CYBA: variants seen among roughly 807,000 people sequenced by gnomAD.
The protein encoded by CYBA is cytochrome b-245 light chain.
CYBA carries 21 observed loss-of-function variants against 20.8 expected under a neutral mutation model. The ratio of observed to expected loss-of-function variants is 1.01; its 90% CI spans 0.72 to 1.46. The LOEUF is 1.46. Among genes scored for constraint, CYBA ranks in the 40% most tolerant of loss-of-function variants. CYBA has a pLI of 0.00. For synonymous variants in CYBA, 164 were observed against 127.5 expected, an observed-to-expected ratio of 1.29 and a Z score of -1.93; for missense variants, 344 against 287.0, an observed-to-expected ratio of 1.20 and a Z score of -1.43.
chr16:88,647,548 G>T, intron 2 of CYBA: 1 of 367,328 alleles, frequency 2.7e-6, no homozygotes, highest in Non-Finnish European at 5.2e-6. Flanking sequence ...AAAAGGTCGG[G>T]GGCAGCCACT....
At chr16:88,645,046 G>A (rs1907225940) in intron 5 of CYBA, 2 of 639,334 alleles carry the variant, frequency 3.1e-6, no homozygotes, top group Non-Finnish European at 5.7e-6. Context: ...GCTGGTGGTG[G>A]GTTGTCTGCT....
intron 1 of CYBA, among the ~76,000 whole-genome samples, chr16:88,649,080 C>A (rs531452225): frequency 5.3e-5 from 8 of 151,454 alleles, no homozygotes; most frequent in Non-Finnish European, 2.9e-5. Flanking sequence ...TGGGACTATG[C>A]GCGCCTGCCA....
chr16:88,650,738 G>A (rs961924045), intron 1 of CYBA: 86 of 615,644 alleles, frequency 1.4e-4, no homozygotes, highest in Non-Finnish European at 1.1e-4. Flanking sequence ...CGCTCCGCAG[G>A]GTCTGCAAGG....
chr16:88,647,880 G>A (rs1907345885), intron 2 of CYBA, 165 bp downstream of exon 2: 3 of 688,904 alleles, frequency 4.4e-6, no homozygotes, highest in Non-Finnish European at 7.7e-6. Context: ...TCCTGGCGAG[G>A]GGCCTGGCTG....
chr16:88,645,493 G>T, intron 5 of CYBA: 2 of 690,296 alleles, frequency 2.9e-6, no homozygotes, highest in Non-Finnish European at 5.3e-6. Context: ...GACCCCCGCA[G>T]TGAGAGGTGG....
chr16:88,644,344 A>C (rs1907199212), intron 5 of CYBA, among the ~76,000 whole-genome samples: 2 of 152,220 alleles, frequency 1.3e-5, no homozygotes, highest in South Asian at 4.1e-4. Context: ...AGGGCCAGGG[A>C]AAGGTGTTTT....
intron 4 of CYBA, chr16:88,646,406 G>A: frequency 4.8e-6 from 1 of 208,918 alleles, no homozygotes; most frequent in Non-Finnish European, 9.2e-6. Context: ...CTCGGAGGAA[G>A]CAGCCACGTG....
chr16:88,651,006 T>G lies in CYBA; in HGVS notation c.8A>C (p.Gln3Pro). 2 of 1,596,882 alleles carry G rather than the reference T, an allele frequency of 1.3e-6. No individual in the cohort carries two copies. The highest frequency in any genetic ancestry group is 1.7e-6 in the Non-Finnish European group (2 of 1,173,526). Residue 3 changes from glutamine to proline, a missense_variant, in exon 1 of 6, where the codon CAG becomes CCG. By Grantham distance (76) the Gln-to-Pro change is moderately conservative (BLOSUM62 -1). Coordinates refer to ENST00000261623, the MANE Select transcript of CYBA (RefSeq NM_000101.4). ...GTTGGCCCACATGGCCCACTCGATCTGCCCCATGGCGACACGAACCCGGCT... is the reference window on the plus strand; with the variant it reads ...GTTGGCCCACATGGCCCACTCGATCGGCCCCATGGCGACACGAACCCGGCT... MGQIEWAMWANEQ... is the reference protein window; with the variant it reads MGPIEWAMWANEQ...
At chr16:88,647,048 C>T (rs1433050939) in intron 3 of CYBA, 53 bp downstream of exon 3, 1 of 1,529,110 alleles carries the variant, frequency 6.5e-7, no homozygotes, top group African/African-American at 1.4e-5. Flanking sequence ...CCCTGTGAGC[C>T]CTGCCTGGGC....
At chr16:88,649,204 T>C (rs12051202) in intron 1 of CYBA, among the ~76,000 whole-genome samples, 24,068 of 152,274 alleles carry the variant, frequency 0.16, 2,025 homozygotes, top group South Asian at 0.3. Context: ...CCCAAAGTGC[T>C]AGGATTACAG....
At position 88,647,131 on chromosome 16, in the gene CYBA, T is replaced by C. The variant is rs200016139; in HGVS notation, c.173A>G (p.Lys58Arg). Reference sequence around the variant, plus strand: ...CTCCATGGTGGAGCCCTTCTTCCTCTTCCCCCGGGGGTACTCCAGCAGGCA... The same window carrying C: ...CTCCATGGTGGAGCCCTTCTTCCTCCTCCCCCGGGGGTACTCCAGCAGGCA... Reference protein sequence around the residue: ...FVCLLEYPRGKRKKGSTMERW... With the variant: ...FVCLLEYPRGRRKKGSTMERW... Residue 58 changes from lysine (K) to arginine (R), a missense_variant, in exon 3 of 6, where the codon AAG becomes AGG. Lys to Arg is a conservative substitution (Grantham distance 26). Coordinates refer to ENST00000261623, the MANE Select transcript of CYBA (RefSeq NM_000101.4). 268 of 1,611,250 alleles carry C rather than the reference T, an allele frequency of 1.7e-4. No homozygotes were observed. The highest frequency in any genetic ancestry group is 1.9e-4 in the Non-Finnish European group (222 of 1,179,778).
Position 88,650,974 on chromosome 16 carries a change from C to T in CYBA, c.40G>A (p.Ala14Thr). 6.3e-7 allele frequency: 1 copy of T among 1,596,094 alleles called. No individual in the cohort carries two copies. Among genetic ancestry groups the T allele is most frequent in the Non-Finnish European group, 8.5e-7 (1 of 1,172,624 alleles). Residue 14 changes from alanine (A) to threonine (T), a missense_variant, in exon 1 of 6, where the codon GCG becomes ACG. Physicochemically the swap from Ala to Thr is moderately conservative, Grantham distance 58. Transcript: ENST00000261623. ...CACTCACTCAGGCCGGACGCCAGCG[C>T]CTGTTCGTTGGCCCACATGGCCCAC... is the stretch of plus-strand genomic sequence containing the variant. ...IEWAMWANEQALASGLILITG... is the reference protein window; with the variant it reads ...IEWAMWANEQTLASGLILITG...
Position 88,643,416 on chromosome 16 carries a change from C to T in CYBA, c.525G>A (p.Ala175=), listed in dbSNP as rs766523764. 18 of 1,534,662 alleles carry T rather than the reference C, an allele frequency of 1.2e-5. No homozygotes were observed. Among genetic ancestry groups the T allele is most frequent in the East Asian group, 2.5e-5 (1 of 40,088 alleles). ...KKPSEEEAAV[A]AGGPPGGPQV... ...GGGGACCTCCCGGGGGTCCCCCCGC[C>T]GCCACCGCAGCCTCCTCCTCGCTGG... The change falls in exon 6 of 6, where the codon GCG becomes GCA. Residue 175 remains alanine, a synonymous_variant. Transcript: ENST00000261623. The surrounding 1 kb of genome is among the most constrained non-coding windows in gnomAD (Gnocchi z 4.3).
chr16:88,643,695 G>T lies in CYBA; in HGVS notation c.370-124C>A. ...TCAAGTCTGAATCCCACGCAGGATG[G>T]TGTGACTGCCACTCAGAGAGGTTAA... On this transcript the variant is annotated intron_variant, in intron 5 of 5. Coordinates refer to ENST00000261623, the MANE Select transcript of CYBA (RefSeq NM_000101.4). The surrounding 1 kb of genome is among the most constrained non-coding windows in gnomAD (Gnocchi z 4.3). The T allele has an allele frequency of 1.1e-6, 1 of 920,654 alleles. No individual in the cohort carries two copies. The highest frequency in any genetic ancestry group is 1.7e-6 in the Non-Finnish European group (1 of 602,212). 57.0% of individuals were successfully genotyped at this position (920,654 alleles called of 1,614,324 possible). A position where few individuals can be genotyped will look rare whatever the true frequency, so the allele number is the denominator to read the frequency against.
intron 1 of CYBA, chr16:88,650,494 C>T (rs916511881): frequency 6.4e-6 from 3 of 467,124 alleles, no homozygotes; most frequent in Non-Finnish European, 1.3e-5. Flanking sequence ...AAGGGCTGAG[C>T]CCCAGGGCAT....
intron 5 of CYBA, among the ~76,000 whole-genome samples, chr16:88,644,405 G>A (rs147646143): frequency 3.0e-4 from 45 of 152,346 alleles, no homozygotes; most frequent in African/African-American, 8.9e-4. Flanking sequence ...CTGCTCTTCC[G>A]TGCAGTGAAG....
At chr16:88,650,789 G>A (rs989773375) in intron 1 of CYBA, 167 bp downstream of exon 1, 2 of 702,834 alleles carry the variant, frequency 2.8e-6, no homozygotes, top group African/African-American at 3.5e-5. Context: ...CCAGCCCGCG[G>A]CCTGAGGGTC....
chr16:88,648,110 G>A lies in CYBA; in HGVS notation c.63C>T (p.Leu21=), dbSNP rs375141871. 1.1e-5 allele frequency: 17 copies of A among 1,611,324 alleles called. No homozygotes were observed. Among genetic ancestry groups the A allele is most frequent in the Admixed American group, 1.7e-5 (1 of 59,740 alleles). The part of the protein sequence containing the change: ...NEQALASGLI[L]ITGGIVATAG... Reference sequence around the variant, plus strand: ...CTGTGGCCACGATGCCCCCGGTGATGAGGACTGCGGGGAGAAGTGGGTCAG... The same window carrying A: ...CTGTGGCCACGATGCCCCCGGTGATAAGGACTGCGGGGAGAAGTGGGTCAG... Residue 21 remains leucine (L), a synonymous_variant, in exon 2 of 6, where the codon CTC becomes CTT. Coordinates refer to ENST00000261623, the MANE Select transcript of CYBA (RefSeq NM_000101.4).
intron 4 of CYBA, chr16:88,646,463 G>A (rs1158507447): frequency 1.3e-5 from 9 of 695,736 alleles, no homozygotes; most frequent in South Asian, 4.5e-5. Context: ...CACACAGCAC[G>A]GAACCCTCCA....
Sources: allele counts gnomAD v4.1 joint callset (sites outside exome capture counted in the v4.1 genomes callset), GRCh38; gene constraint gnomAD v4.1.1; non-coding constraint Gnocchi (gnomAD v3.1); transcripts MANE v1.5; gene names NCBI Gene and HGNC (gene_info 2026-07-23, HGNC 2026-07-21).